SPATA22: variants seen among roughly 807,000 people sequenced by gnomAD.
The protein encoded by SPATA22 is spermatogenesis associated 22, also known as spermatogenesis-associated protein 22.
In SPATA22, 29 loss-of-function variants were observed where a neutral mutation model predicts 47.8. The ratio of observed to expected loss-of-function variants is 0.61; its 90% confidence interval spans 0.45 to 0.83. The LOEUF (loss-of-function observed/expected upper bound fraction) is 0.83. Among genes scored for constraint, SPATA22 ranks in the 40% least tolerant of loss-of-function variants. The pLI is 0.00. For missense variants in SPATA22, 410 were observed against 421.7 expected (o/e 0.97, Z 0.24); for synonymous variants, 133 against 140.9 (o/e 0.94, Z 0.40).
chr17:3,477,246 T>C (rs1250148856), intron 1 of SPATA22, among the ~76,000 whole-genome samples: 4 of 152,216 alleles, frequency 2.6e-5, no homozygotes, highest in Admixed American at 2.6e-4. Context: ...TGGATTGTTG[T>C]AGATGGGATA....
chr17:3,443,064 T>A, intron 8 of SPATA22, 110 bp downstream of exon 8: 1 of 725,922 alleles, frequency 1.4e-6, no homozygotes, highest in Non-Finnish European at 2.2e-6. Flanking sequence ...CTAAAACCAG[T>A]GTTAAAAGTA....
intron 1 of SPATA22, chr17:3,483,526 G>T: frequency 6.2e-7 from 1 of 1,613,988 alleles, no homozygotes; most frequent in Non-Finnish European, 8.5e-7. Context: ...ACCCTGCTAC[G>T]TTTATCTGAT....
intron 3 of SPATA22, among the ~76,000 whole-genome samples, chr17:3,463,963 GCCTCTC>G (rs1403936430): frequency 2.7e-4 from 11 of 40,396 alleles, no homozygotes; most frequent in Non-Finnish European, 3.9e-4. Flanking sequence ...CTCTCCCTCT[GCCTCTC>G]CCTCTCCCTC....
chr17:3,455,305 T>C (rs1242618821), intron 5 of SPATA22, among the ~76,000 whole-genome samples: 1 of 152,140 alleles, frequency 6.6e-6, no homozygotes, highest in Non-Finnish European at 1.5e-5. Flanking sequence ...TTTCATTAGA[T>C]CCCATTTGTC....
intron 1 of SPATA22, among the ~76,000 whole-genome samples, chr17:3,507,761 G>C (rs1423665682): frequency 2.0e-5 from 3 of 152,154 alleles, no homozygotes; most frequent in Non-Finnish European, 4.4e-5. Context: ...TGTAAACAGT[G>C]TAGCATACAA....
upstream of SPATA22, chr17:3,476,052 C>A: frequency 1.9e-6 from 2 of 1,028,428 alleles, no homozygotes; most frequent in Non-Finnish European, 1.5e-6. Context: ...CTGTACTTTG[C>A]CCTTTGGGTA....
chr17:3,461,191 A>G (rs769069130), intron 5 of SPATA22, among the ~76,000 whole-genome samples: 23 of 152,200 alleles, frequency 1.5e-4, no homozygotes, highest in Non-Finnish European at 3.1e-4. Flanking sequence ...CACATACTAA[A>G]AAATTCCTGA....
At chr17:3,479,735 A>AC (rs1486780492) in intron 1 of SPATA22, among the ~76,000 whole-genome samples, 1 of 151,514 alleles carries the variant, frequency 6.6e-6, no homozygotes, top group East Asian at 1.9e-4. Flanking sequence ...CAAAATAACT[A>AC]CTCCACCTTC....
At chr17:3,464,748 C>T (rs1216557274) in intron 3 of SPATA22, among the ~76,000 whole-genome samples, 155 of 138,190 alleles carry the variant, frequency 1.1e-3, no homozygotes, top group Non-Finnish European at 2.1e-3. Context: ...GCCCGGCAAC[C>T]GCCCCGTCTG....
chr17:3,512,501 T>A (rs1287146024), intron 1 of SPATA22: 1 of 152,282 alleles, frequency 6.6e-6, no homozygotes, highest in Non-Finnish European at 1.5e-5. Context: ...ATCGCCATGT[T>A]ATCTGAAGGC....
rs1006968763 is a variant in SPATA22 at position 3,471,341 on chromosome 17, C to G, written c.-74+341G>C. On this transcript the variant is annotated intron_variant, in intron 1 of 8. Coordinates refer to ENST00000572969, the MANE Select transcript of SPATA22 (RefSeq NM_001170698.2). ...CGAGGGCTATTATGTTTCTCAGGAT[C>G]AAACAAACAGAATAAACAACAACAA... is the stretch of plus-strand genomic sequence containing the variant. 1.3e-5 allele frequency: 11 copies of G among 820,374 alleles called. No homozygotes were observed. In the Admixed American group the frequency reaches 3.7e-4, roughly 28 times the overall value. The allele number at this position is 820,374 out of a possible 1,614,324, so 50.8% of individuals were successfully genotyped here. A position where few individuals can be genotyped will look rare whatever the true frequency, so the allele number is the denominator to read the frequency against.
intron 1 of SPATA22, chr17:3,489,193 T>G (rs750698855): frequency 8.5e-7 from 1 of 1,178,722 alleles, no homozygotes; most frequent in Non-Finnish European, 1.3e-6. Flanking sequence ...TAATATATTT[T>G]CATACTTATA....
chr17:3,469,957 G>A (rs12952029), intron 1 of SPATA22, among the ~76,000 whole-genome samples: 64,697 of 151,706 alleles, frequency 0.43, 13,982 homozygotes, highest in East Asian at 0.57. Flanking sequence ...GCCAGGAGTG[G>A]TGGCGGGCGC....
At chr17:3,462,377 G>A in intron 5 of SPATA22, 106 bp downstream of exon 5, 2 of 755,062 alleles carry the variant, frequency 2.6e-6, no homozygotes, top group Non-Finnish European at 4.3e-6. Context: ...TTTCCTAAAT[G>A]TAATTCTGTC....
upstream of SPATA22, chr17:3,476,118 C>A: frequency 6.4e-7 from 1 of 1,559,942 alleles, no homozygotes; most frequent in Non-Finnish European, 8.8e-7. Context: ...CCTTTGATCT[C>A]TCTTCTGAAT....
chr17:3,493,476 G>A (rs1482432577), intron 1 of SPATA22, among the ~76,000 whole-genome samples: 2 of 142,456 alleles, frequency 1.4e-5, no homozygotes, highest in Non-Finnish European at 3.0e-5. Flanking sequence ...CAGGAGAATC[G>A]CTTGAACCCG....
intron 1 of SPATA22, among the ~76,000 whole-genome samples, chr17:3,506,753 A>AAC (rs1315969867): frequency 6.6e-6 from 1 of 152,170 alleles, no homozygotes; most frequent in African/African-American, 2.4e-5. Context: ...CAGCCTGGCC[A>AAC]ACATGGTGAA....
intron 1 of SPATA22, among the ~76,000 whole-genome samples, chr17:3,469,922 C>A (rs553846699): frequency 6.6e-6 from 1 of 152,146 alleles, no homozygotes; most frequent in African/African-American, 2.4e-5. Flanking sequence ...GGCAAAAGCC[C>A]ATCTCTACTA....
At chr17:3,445,350 G>T (rs1357504798) in intron 7 of SPATA22, among the ~76,000 whole-genome samples, 1 of 152,106 alleles carries the variant, frequency 6.6e-6, no homozygotes, top group Non-Finnish European at 1.5e-5. Context: ...AACCAGCTAA[G>T]AGATATGCTT....
Sources: gnomAD v4.1 joint callset for allele counts (sites outside exome capture counted in the v4.1 genomes callset) on GRCh38, gnomAD v4.1.1 for gene constraint, MANE v1.5 for transcripts, NCBI Gene and HGNC (gene_info 2026-07-23, HGNC 2026-07-21) for gene names.